Variants in ZNF333 observed in about 807,000 individuals in gnomAD.
ZNF333 encodes the protein zinc finger protein 333.
ZNF333 carries 61 observed loss-of-function variants against 76.1 expected under a neutral mutation model. The ratio of observed to expected loss-of-function variants is 0.80; its 90% CI spans 0.65 to 0.99. The LOEUF (loss-of-function observed/expected upper bound fraction) is 0.99. Among genes scored for constraint, ZNF333 ranks in the 50% least tolerant of loss-of-function variants. The pLI is 0.00. For missense variants in ZNF333, 717 were observed against 822.4 expected, an observed-to-expected ratio of 0.87 and a Z score of 1.57; for synonymous variants, 284 against 305.0, an observed-to-expected ratio of 0.93 and a Z score of 0.72.
chr19:14,728,865 G>A (rs1004688388), intron 11 of ZNF333, among the ~76,000 whole-genome samples: 1 of 152,168 alleles, frequency 6.6e-6, no homozygotes, highest in Non-Finnish European at 1.5e-5. Context: ...AGGCCAGGGG[G>A]GTTTTATATC....
chr19:14,717,167 GC>G, intron 10 of ZNF333, 78 bp downstream of exon 10: 1 of 1,227,232 alleles, frequency 8.1e-7, no homozygotes, highest in Admixed American at 2.2e-5. Context: ...TCTTATCAGG[GC>G]AACCTATTCA....
exon 12 of ZNF333, chr19:14,733,462 T>A (rs1176222633): frequency 6.6e-6 from 1 of 152,174 alleles, no homozygotes; most frequent in Non-Finnish European, 1.5e-5. Context: ...TGGGCCTTAA[T>A]AAGCACATTC....
chr19:14,712,303 T>TC (rs1226397425), intron 7 of ZNF333, among the ~76,000 whole-genome samples: 1 of 151,878 alleles, frequency 6.6e-6, no homozygotes. Context: ...CACTGCAAAC[T>TC]CCATCTCCTA....
chr19:14,726,183 T>C (rs559784759), downstream of ZNF333, among the ~76,000 whole-genome samples: 64 of 152,286 alleles, frequency 4.2e-4, no homozygotes, highest in African/African-American at 1.5e-3. Flanking sequence ...CTGGGCCCCT[T>C]TGAGCCAAGG....
At position 14,698,893 on chromosome 19, in the gene ZNF333, AATATAGAT is replaced by A. The variant is rs1249262296; in HGVS notation, c.224-300_224-293del. Among the ~76,000 whole-genome samples the A allele has an allele frequency of 1.1e-3, 120 of 113,106 alleles. 7 individuals carry two copies. Among genetic ancestry groups the A allele is most frequent in the African/African-American group, 4.1e-3 (109 of 26,906 alleles). 74.2% of individuals were successfully genotyped at this position (113,106 alleles called of 152,430 possible). A position where few individuals can be genotyped will look rare whatever the true frequency, so the allele number is the denominator to read the frequency against. Reference sequence around the variant, plus strand: ...ACATGTATGTGTGTACACACACACAAATATAGATATATATATATATATATATATATATA... The same window carrying A: ...ACATGTATGTGTGTACACACACACAAATATATATATATATATATATATATA... On this transcript the variant is annotated intron_variant, in intron 4 of 11. Transcript: ENST00000292530.
At chr19:14,699,559 C>T (rs369133081) in intron 5 of ZNF333, 5 of 316,760 alleles carry the variant, frequency 1.6e-5, no homozygotes, top group African/African-American at 4.3e-5. Flanking sequence ...CTCCCAGGAT[C>T]GAGTGATTTT....
At chr19:14,704,316 G>A (rs773964631) in intron 5 of ZNF333, among the ~76,000 whole-genome samples, 96 of 151,936 alleles carry the variant, frequency 6.3e-4, no homozygotes, top group Admixed American at 1.8e-3. Context: ...ACACAATCTC[G>A]CTCTGTCGTC....
intron 11 of ZNF333, chr19:14,731,097 C>T: frequency 7.6e-7 from 1 of 1,324,154 alleles, no homozygotes. Flanking sequence ...TGCCCCCTCC[C>T]CCCAAGGATT....
intron 2 of ZNF333, 151 bp downstream of exon 2, chr19:14,693,645 G>C: frequency 2.2e-5 from 19 of 875,744 alleles, no homozygotes; most frequent in Non-Finnish European, 3.2e-5. Flanking sequence ...TGCCCTAGGG[G>C]ACCTAGGGAC....
intron 7 of ZNF333, among the ~76,000 whole-genome samples, chr19:14,710,413 C>G (rs1455003810): frequency 6.6e-6 from 1 of 152,178 alleles, no homozygotes; most frequent in Admixed American, 6.5e-5. Flanking sequence ...TGATGATCCA[C>G]TAGGAGGACT....
downstream of ZNF333, among the ~76,000 whole-genome samples, chr19:14,725,548 CAT>C (rs1477568247): frequency 1.3e-5 from 2 of 152,190 alleles, no homozygotes; most frequent in African/African-American, 4.8e-5. Flanking sequence ...AAATCAAAGA[CAT>C]GTTATTTACT....
In ZNF333 at chr19:14,719,052, A is replaced by C; in HGVS notation, c.1725A>C (p.Ser575=). Residue 575 remains serine, a synonymous_variant, in exon 12 of 12, where the codon TCA becomes TCC. Transcript: ENST00000292530. The stretch of plus-strand genomic sequence containing the variant: ...GTGGGCGAGCCTTCAGTGAGCCCTC[A>C]TCCCTCAGGAAACATGCAAGGACTC... ...QECGRAFSEP[S]SLRKHARTHS... 1 of 1,614,200 alleles carries C rather than the reference A, an allele frequency of 6.2e-7. No individual in the cohort carries two copies. Among genetic ancestry groups the C allele is most frequent in the Non-Finnish European group, 8.5e-7 (1 of 1,180,046 alleles).
intron 5 of ZNF333, among the ~76,000 whole-genome samples, chr19:14,703,613 G>C (rs569920054): frequency 6.6e-6 from 1 of 152,232 alleles, no homozygotes; most frequent in Non-Finnish European, 1.5e-5. Context: ...ACACAGGGAA[G>C]CACCAAGGTC....
At chr19:14,712,440 A>G (rs2042305030) in intron 7 of ZNF333, among the ~76,000 whole-genome samples, 1 of 152,024 alleles carries the variant, frequency 6.6e-6, no homozygotes. Flanking sequence ...GGCTGGTCTC[A>G]AACTCCTGAC....
intron 11 of ZNF333, among the ~76,000 whole-genome samples, chr19:14,728,912 G>T (rs149057411): frequency 1.3e-5 from 2 of 152,288 alleles, no homozygotes; most frequent in African/African-American, 4.8e-5. Context: ...CTTCCCCCAT[G>T]GGCTGGGGTC....
chr19:14,706,294 A>G, intron 6 of ZNF333: 1 of 392,408 alleles, frequency 2.5e-6, no homozygotes, highest in East Asian at 7.4e-5. Flanking sequence ...CTCCAAGGAG[A>G]GGTCTTCCTC....
At chr19:14,713,225 T>C (rs538619431) in intron 7 of ZNF333, among the ~76,000 whole-genome samples, 1 of 152,256 alleles carries the variant, frequency 6.6e-6, no homozygotes, top group South Asian at 2.1e-4. Flanking sequence ...AAGCAAAGGA[T>C]AGACATTCCC....
intron 5 of ZNF333, among the ~76,000 whole-genome samples, chr19:14,703,286 C>T (rs1428072476): frequency 1.3e-5 from 2 of 151,894 alleles, no homozygotes; most frequent in Admixed American, 1.3e-4. Context: ...TAACTGCCTC[C>T]ATGATTCAAT....
chr19:14,712,320 C>G (rs533212253), intron 7 of ZNF333, among the ~76,000 whole-genome samples: 1 of 151,800 alleles, frequency 6.6e-6, no homozygotes, highest in Non-Finnish European at 1.5e-5. Flanking sequence ...CCTAGGTTCA[C>G]GTGATTCTCG....
Sources: gnomAD v4.1 joint callset for allele counts (sites outside exome capture counted in the v4.1 genomes callset) on GRCh38, gnomAD v4.1.1 for gene constraint, MANE v1.5 for transcripts, NCBI Gene and HGNC (gene_info 2026-07-23, HGNC 2026-07-21) for gene names.